Variants in PARP4 observed in about 807,000 individuals in gnomAD.
PARP4 encodes the protein protein mono-ADP-ribosyltransferase PARP4.
In PARP4, 120 loss-of-function variants were observed where a neutral mutation model predicts 187.7. The ratio of observed to expected loss-of-function variants is 0.64; its 90% confidence interval spans 0.55 to 0.74. The LOEUF (loss-of-function observed/expected upper bound fraction) is 0.74. Among genes scored for constraint, PARP4 ranks in the 30% least tolerant of loss-of-function variants. The pLI is 0.00. For missense variants in PARP4, 1,836 were observed against 2,070.5 expected, an observed-to-expected ratio of 0.89 and a Z score of 2.20; for synonymous variants, 654 against 740.9, an observed-to-expected ratio of 0.88 and a Z score of 1.90.
In PARP4 at chr13:24,455,024, G is replaced by T; in HGVS notation, c.2751C>A (p.Phe917Leu). 1.3e-6 allele frequency: 2 copies of T among 1,599,106 alleles called. No individual in the cohort carries two copies. The highest frequency in any genetic ancestry group is 1.7e-6 in the Non-Finnish European group (2 of 1,168,428). The change falls in exon 22 of 34, where the codon TTC (phenylalanine) becomes TTA (leucine). Residue 917 changes from phenylalanine (F) to leucine (L), a missense_variant. By Grantham distance (22) the Phe-to-Leu change is conservative. Around this residue, in one of 8 missense-constraint regions of PARP4, gnomAD observed 1,147 missense variants for 1,214.2 expected, o/e 0.94. Transcript: ENST00000381989. ...GEKQKVNIIQFGTGYKELFSY... is the reference protein window; with the variant it reads ...GEKQKVNIIQLGTGYKELFSY... Reference sequence around the variant, plus strand: ...GGGCCAAAGCGCACTCACCTGTGCCGAACTGGATAATATTTACTTTCTGCT... The same window carrying T: ...GGGCCAAAGCGCACTCACCTGTGCCTAACTGGATAATATTTACTTTCTGCT...
Position 24,426,512 on chromosome 13 carries a change from T to G in PARP4, c.4933A>C (p.Ile1645Leu). Residue 1645 changes from isoleucine to leucine, a missense_variant, in exon 33 of 34, where the codon ATA becomes CTA. By Grantham distance (5) the Ile-to-Leu change is conservative (BLOSUM62 2). Around this residue, in one of 8 missense-constraint regions of PARP4, gnomAD observed 45 missense variants for 53.1 expected, o/e 0.85. Coordinates refer to ENST00000381989, the MANE Select transcript of PARP4 (RefSeq NM_006437.4). The part of the protein sequence containing the change: ...FIRTRLEKEG[I>L]VFKSLMKMDD... ...ATTTTCATCAGTGATTTGAACACTA[T>G]TCCCTCTTTTTCCAACCTGGTGCGA... 4 of 1,611,848 alleles carry G rather than the reference T, an allele frequency of 2.5e-6. No individual in the cohort carries two copies. The highest frequency in any genetic ancestry group is 3.4e-6 in the Non-Finnish European group (4 of 1,178,476).
At chr13:24,423,558 AAC>A (rs1256972141) in intron 33 of PARP4, among the ~76,000 whole-genome samples, 7 of 152,056 alleles carry the variant, frequency 4.6e-5, no homozygotes, top group Admixed American at 1.3e-4. Context: ...ATAAAAACAA[AAC>A]AAAAAAAAAG....
chr13:24,492,611 T>C lies in PARP4; in HGVS notation c.880-17A>G, dbSNP rs1423669858. On this transcript the variant is annotated splice_polypyrimidine_tract_variant and intron_variant, in intron 8 of 33. Transcript: ENST00000381989. ...CTTGCTCACCTTTCAACAGATCATA[T>C]ATGCTTATTACAATGAAATCTCAAT... is the stretch of plus-strand genomic sequence containing the variant. The C allele has an allele frequency of 3.1e-6, 5 of 1,594,158 alleles. No homozygotes were observed. Among genetic ancestry groups the C allele is most frequent in the Non-Finnish European group, 4.3e-6 (5 of 1,165,788 alleles).
intron 31 of PARP4, 88 bp from the exon 32 acceptor site, chr13:24,431,564 G>C: frequency 1.2e-6 from 1 of 831,952 alleles, no homozygotes; most frequent in South Asian, 1.5e-5. Context: ...GTGGGGCAAG[G>C]GTTGAAAAAC....
Position 24,459,119 on chromosome 13 carries a change from G to T in PARP4, c.2349C>A (p.Phe783Leu). ...CIKEIGTKQS[F>L]SLTMSIEMPY... ...GCATCTCAATAGACATAGTCAAAGAGAAGCTAGCAAAAATGAAGAGAAAGT... is the reference window on the plus strand; with the variant it reads ...GCATCTCAATAGACATAGTCAAAGATAAGCTAGCAAAAATGAAGAGAAAGT... Residue 783 changes from phenylalanine (F) to leucine (L), a missense_variant, in exon 20 of 34, where the codon TTC becomes TTA. Phe to Leu is a conservative substitution (Grantham distance 22). Around this residue, in one of 8 missense-constraint regions of PARP4, gnomAD observed 1,147 missense variants for 1,214.2 expected, o/e 0.94. Transcript: ENST00000381989. 6.2e-7 allele frequency: 1 copy of T among 1,604,808 alleles called. No individual in the cohort carries two copies. The highest frequency in any genetic ancestry group is 1.1e-5 in the South Asian group (1 of 89,712).
chr13:24,477,789 A>G lies in PARP4; in HGVS notation c.1701T>C (p.Pro567=). 6.4e-7 allele frequency: 1 copy of G among 1,569,860 alleles called. No homozygotes were observed. The highest frequency in any genetic ancestry group is 1.7e-5 in the Admixed American group (1 of 57,616). The change falls in exon 14 of 34, where the codon CCT becomes CCC. Residue 567 remains proline (P), a synonymous_variant. Transcript: ENST00000381989. ...KMKYIIKFSM[P]GDQIKDFHPS... ...GATGAAAGTCCTTTATCTGATCTCC[A>G]GGCATGGAAAATTTAATAATATATT...
At chr13:24,506,431 G>T (rs1251042212) in intron 1 of PARP4, among the ~76,000 whole-genome samples, 1 of 151,982 alleles carries the variant, frequency 6.6e-6, no homozygotes. Flanking sequence ...AGCTCGGGCA[G>T]CCTGCTTTTA....
intron 33 of PARP4, among the ~76,000 whole-genome samples, chr13:24,424,589 A>G (rs1869919821): frequency 6.6e-6 from 1 of 152,142 alleles, no homozygotes. Flanking sequence ...TATTAACACC[A>G]TGACTACTCC....
chr13:24,512,459 A>T (rs979101023), intron 1 of PARP4, among the ~76,000 whole-genome samples: 12 of 151,878 alleles, frequency 7.9e-5, no homozygotes, highest in African/African-American at 2.4e-4. Context: ...GGCGCCCCCC[A>T]CCGCACCCGG....
intron 25 of PARP4, among the ~76,000 whole-genome samples, chr13:24,448,335 A>G (rs1871317200): frequency 6.6e-6 from 1 of 152,106 alleles, no homozygotes; most frequent in Non-Finnish European, 1.5e-5. Context: ...TTGGGCTCAG[A>G]AAGTTGAGGC....
chr13:24,508,671 G>A (rs1473905621), intron 1 of PARP4, among the ~76,000 whole-genome samples: 2 of 152,078 alleles, frequency 1.3e-5, no homozygotes. Flanking sequence ...CTGCCACCAT[G>A]CCTGGCTACT....
chr13:24,467,977 A>C (rs1225466175), intron 17 of PARP4, among the ~76,000 whole-genome samples: 1 of 144,592 alleles, frequency 6.9e-6, no homozygotes, highest in East Asian at 2.1e-4. Flanking sequence ...TGGATATCTT[A>C]GATGTCAAGA....
At chr13:24,438,446 G>A (rs575119227) in intron 30 of PARP4, among the ~76,000 whole-genome samples, 1 of 152,170 alleles carries the variant, frequency 6.6e-6, no homozygotes, top group South Asian at 2.1e-4. Context: ...CTGATTTAAG[G>A]AACAGCGTGG....
chr13:24,430,174 C>A (rs2497061), intron 32 of PARP4, among the ~76,000 whole-genome samples: 7 of 151,932 alleles, frequency 4.6e-5, no homozygotes, highest in African/African-American at 1.7e-4. Flanking sequence ...TCACTCCTCA[C>A]GTAAATTGTC....
At chr13:24,483,949 AG>A (rs1873416439) in intron 12 of PARP4, among the ~76,000 whole-genome samples, 1 of 152,008 alleles carries the variant, frequency 6.6e-6, no homozygotes, top group African/African-American at 2.4e-5. Flanking sequence ...CTTTGCTATT[AG>A]GTTTCTATTT....
chr13:24,494,459 G>A, intron 7 of PARP4, 114 bp downstream of exon 7: 2 of 913,094 alleles, frequency 2.2e-6, no homozygotes, highest in Non-Finnish European at 3.3e-6. Flanking sequence ...CTCCCAAACT[G>A]CTGGGATACA....
At position 24,490,653 on chromosome 13, in the gene PARP4, T is replaced by C. The variant is rs1344342250; in HGVS notation, c.1214+15A>G. 1 of 1,597,764 alleles carries C rather than the reference T, an allele frequency of 6.3e-7. No individual in the cohort carries two copies. The highest frequency in any genetic ancestry group is 2.2e-5 in the East Asian group (1 of 44,766). On this transcript the variant is annotated intron_variant, in intron 10 of 33. Transcript: ENST00000381989. ...TATATTATAACAGATCCTGAGATATTTCCTTTATGCTTACCTGTGATGATT... is the reference window on the plus strand; with the variant it reads ...TATATTATAACAGATCCTGAGATATCTCCTTTATGCTTACCTGTGATGATT...
intron 18 of PARP4, 108 bp from the exon 19 acceptor site, chr13:24,459,418 G>A: frequency 9.5e-7 from 1 of 1,057,008 alleles, no homozygotes; most frequent in Non-Finnish European, 1.3e-6. Flanking sequence ...AAGACAGCTG[G>A]TTTCACTTTC....
intron 30 of PARP4, 94 bp downstream of exon 30, chr13:24,441,752 C>CTTAT: frequency 9.0e-7 from 1 of 1,108,046 alleles, no homozygotes; most frequent in South Asian, 1.6e-5. Flanking sequence ...TCTTCATGTA[C>CTTAT]AGGTAAGAAG....
Sources: allele counts gnomAD v4.1 joint callset (sites outside exome capture counted in the v4.1 genomes callset), GRCh38; gene constraint gnomAD v4.1.1; regional missense constraint gnomAD v4.1.1; transcripts MANE v1.5; gene names NCBI Gene and HGNC (gene_info 2026-07-23, HGNC 2026-07-21).